FAAH2: variants seen among roughly 807,000 people sequenced by gnomAD.
FAAH2 encodes fatty acid amide hydrolase 2.
Under a neutral mutation model 36.9 loss-of-function variants are expected in FAAH2, and 60 were observed. That is an observed-to-expected ratio of 1.63 (90% CI 1.32 to 2.02). The LOEUF (loss-of-function observed/expected upper bound fraction) is 2.02, where lower values mean the gene tolerates loss of function less well. Ranked by LOEUF, FAAH2 falls within the 30% of genes most tolerant of loss-of-function variation. FAAH2 has a pLI of 0.00. For synonymous variants in FAAH2, 214 were observed against 143.8 expected, an observed-to-expected ratio of 1.49 and a Z score of -3.49; for missense variants, 689 against 397.5, an observed-to-expected ratio of 1.73 and a Z score of -6.23.
chrX:57,415,339 C>T (rs1405115669), intron 7 of FAAH2, among the ~76,000 whole-genome samples: 1 of 111,612 alleles, frequency 9.0e-6, no homozygotes, highest in Admixed American at 9.5e-5. Context: ...TTAGATCTTT[C>T]CTGCTTTCTC....
the FAAH2 span, among the ~76,000 whole-genome samples, chrX:57,152,540 A>T: frequency 8.9e-6 from 1 of 112,128 alleles, no homozygotes; most frequent in African/African-American, 3.2e-5. Context: ...GCAATCAGCG[A>T]GACTCCGTGG....
chrX:57,213,545 T>A, the FAAH2 span, among the ~76,000 whole-genome samples: 1 of 111,890 alleles, frequency 8.9e-6, no homozygotes, highest in Admixed American at 9.6e-5. Flanking sequence ...GTCATTCATT[T>A]CAAAAAATTT....
intron 2 of FAAH2, among the ~76,000 whole-genome samples, chrX:57,306,314 C>T (rs1453029608): frequency 9.0e-6 from 1 of 111,704 alleles, no homozygotes; most frequent in Non-Finnish European, 1.9e-5. Flanking sequence ...TACTTTGTAA[C>T]TAGCTATAGA....
intron 5 of FAAH2, among the ~76,000 whole-genome samples, chrX:57,354,473 G>A (rs946288094): frequency 1.8e-5 from 2 of 109,985 alleles, no homozygotes; most frequent in Admixed American, 2.0e-4. Flanking sequence ...TTGTTAATGG[G>A]TACAATGCAC....
At chrX:57,484,656 A>G (rs2057441498) in intron 10 of FAAH2, among the ~76,000 whole-genome samples, 1 of 111,244 alleles carries the variant, frequency 9.0e-6, no homozygotes, top group Admixed American at 9.6e-5. Context: ...CTTCTTTGAC[A>G]TATTAGTGTT....
At chrX:57,205,537 G>T in the FAAH2 span, among the ~76,000 whole-genome samples, 1 of 112,186 alleles carries the variant, frequency 8.9e-6, no homozygotes, top group African/African-American at 3.2e-5. Context: ...TGAAGAATCA[G>T]AAATCACATT....
chrX:57,466,064 G>A (rs1038946629), intron 10 of FAAH2, among the ~76,000 whole-genome samples: 19 of 101,515 alleles, frequency 1.9e-4, no homozygotes, highest in African/African-American at 6.1e-4. Flanking sequence ...TCATACACAC[G>A]CACACATAAA....
At chrX:57,394,699 A>C (rs2055251375) in intron 7 of FAAH2, 1 of 891,355 alleles carries the variant, frequency 1.1e-6, no homozygotes, top group Admixed American at 2.2e-5. Context: ...ATCATCTGGG[A>C]CATAATTGAT....
At chrX:57,450,519 C>A (rs2056764758) in intron 10 of FAAH2, among the ~76,000 whole-genome samples, 1 of 111,662 alleles carries the variant, frequency 9.0e-6, no homozygotes, top group South Asian at 3.7e-4. Flanking sequence ...TTTTTATTGT[C>A]TTTACTAAAG....
chrX:57,484,779 G>T (rs772532785), intron 10 of FAAH2, among the ~76,000 whole-genome samples: 1 of 111,100 alleles, frequency 9.0e-6, no homozygotes, highest in South Asian at 3.8e-4. Flanking sequence ...GACTGGATAG[G>T]TACTAGCTGT....
intron 5 of FAAH2, 102 bp downstream of exon 5, chrX:57,341,492 A>G (rs1005195708): frequency 6.4e-6 from 6 of 931,776 alleles, no homozygotes; most frequent in Admixed American, 3.4e-5. Context: ...GGTGATTATT[A>G]TATATTTCTC....
intron 7 of FAAH2, among the ~76,000 whole-genome samples, chrX:57,414,099 G>C (rs1170145715): frequency 8.9e-6 from 1 of 112,008 alleles, no homozygotes; most frequent in African/African-American, 3.2e-5. Context: ...ATAAGCTTAT[G>C]GAGATTTTGG....
At chrX:57,394,433 A>G (rs1306753329) in intron 7 of FAAH2, 4 of 1,196,113 alleles carry the variant, frequency 3.3e-6, no homozygotes, top group African/African-American at 1.8e-5. Context: ...CAGCAGACCA[A>G]TTACTCAAGC....
chrX:57,362,801 C>G (rs1602408092), intron 5 of FAAH2, among the ~76,000 whole-genome samples: 1 of 111,915 alleles, frequency 8.9e-6, no homozygotes, highest in African/African-American at 3.2e-5. Context: ...ACATGACTAG[C>G]CAGTTATCTA....
intron 10 of FAAH2, among the ~76,000 whole-genome samples, chrX:57,456,146 A>T (rs777868252): frequency 8.9e-6 from 1 of 112,082 alleles, no homozygotes; most frequent in South Asian, 3.7e-4. Context: ...CAATACCAAG[A>T]TCTCTCAAAA....
At chrX:57,401,691 AAGG>A (rs2055439962) in intron 7 of FAAH2, among the ~76,000 whole-genome samples, 1 of 111,069 alleles carries the variant, frequency 9.0e-6, no homozygotes, top group South Asian at 3.9e-4. Context: ...TTGGTAGGGA[AAGG>A]AGGTGGAATC....
At chrX:57,263,153 A>C in the FAAH2 span, among the ~76,000 whole-genome samples, 1 of 111,765 alleles carries the variant, frequency 8.9e-6, no homozygotes, top group Non-Finnish European at 1.9e-5. Flanking sequence ...AAAGGAAGAA[A>C]TAAAATTCCT....
At chrX:57,424,141 A>C (rs935987060) in intron 7 of FAAH2, among the ~76,000 whole-genome samples, 13 of 112,018 alleles carry the variant, frequency 1.2e-4, no homozygotes, top group African/African-American at 4.2e-4. Flanking sequence ...CACTGAGGCT[A>C]TTTATGACTA....
chrX:57,233,497 G>T, the FAAH2 span, among the ~76,000 whole-genome samples: 2 of 111,810 alleles, frequency 1.8e-5, no homozygotes, highest in Admixed American at 1.9e-4. Context: ...AAAAAAAATA[G>T]TACATAGTAA....
Sources: gnomAD v4.1 joint callset for allele counts (sites outside exome capture counted in the v4.1 genomes callset) on GRCh38, gnomAD v4.1.1 for gene constraint, MANE v1.5 for transcripts, NCBI Gene and HGNC (gene_info 2026-07-23, HGNC 2026-07-21) for gene names.